Variants in FBXW8 observed in about 807,000 individuals in gnomAD.
FBXW8 encodes the protein F-box/WD repeat-containing protein 8.
A neutral mutation model predicts 65.3 loss-of-function variants in FBXW8; 57 were observed. That is an observed-to-expected ratio of 0.87 (90% CI 0.71 to 1.09). FBXW8 has a LOEUF of 1.09. Among genes scored for constraint, FBXW8 ranks in the 50% least tolerant of loss-of-function variants. FBXW8 has a pLI of 0.00. For missense variants in FBXW8, 777 were observed against 814.8 expected, an observed-to-expected ratio of 0.95 and a Z score of 0.57; for synonymous variants, 308 against 330.2, an observed-to-expected ratio of 0.93 and a Z score of 0.73.
chr12:116,912,555 G>T (rs1361976832), intron 1 of FBXW8, among the ~76,000 whole-genome samples: 1 of 149,642 alleles, frequency 6.7e-6, no homozygotes, highest in Non-Finnish European at 1.5e-5. Context: ...CGCCTCCTAG[G>T]TTCACGCCAT....
chr12:116,937,330 CAAATG>C (rs1424478718), intron 2 of FBXW8, among the ~76,000 whole-genome samples: 1 of 152,058 alleles, frequency 6.6e-6, no homozygotes, highest in Non-Finnish European at 1.5e-5. Context: ...GGCCAGGAGA[CAAATG>C]AGAACATTAA....
intron 7 of FBXW8, among the ~76,000 whole-genome samples, chr12:117,004,327 T>G (rs1185047570): frequency 6.6e-6 from 1 of 152,240 alleles, no homozygotes; most frequent in Non-Finnish European, 1.5e-5. Flanking sequence ...TGATCTTGCC[T>G]GGAAGTCTAA....
intron 5 of FBXW8, among the ~76,000 whole-genome samples, chr12:116,971,021 A>G (rs773003306): frequency 5.3e-5 from 8 of 152,212 alleles, no homozygotes; most frequent in Non-Finnish European, 1.2e-4. Flanking sequence ...GGGTATGTTC[A>G]TAAATGTAAA....
intron 7 of FBXW8, among the ~76,000 whole-genome samples, chr12:116,993,849 C>T (rs1184801338): frequency 6.6e-6 from 1 of 152,074 alleles, no homozygotes; most frequent in East Asian, 1.9e-4. Flanking sequence ...CCTAAGTTTT[C>T]TTCTATAATT....
At chr12:116,994,875 G>C (rs1318888025) in intron 7 of FBXW8, among the ~76,000 whole-genome samples, 2 of 152,234 alleles carry the variant, frequency 1.3e-5, no homozygotes, top group South Asian at 2.1e-4. Context: ...TTTCCTCCAA[G>C]TAGACTTGCT....
At chr12:116,971,902 A>G (rs1181855021) in intron 5 of FBXW8, among the ~76,000 whole-genome samples, 6 of 152,224 alleles carry the variant, frequency 3.9e-5, no homozygotes, top group Non-Finnish European at 7.3e-5. Flanking sequence ...GTGAATTTTT[A>G]GGAATCTACA....
At chr12:116,987,708 CAAA>C (rs113837266) in intron 6 of FBXW8, among the ~76,000 whole-genome samples, 1 of 151,816 alleles carries the variant, frequency 6.6e-6, no homozygotes, top group Non-Finnish European at 1.5e-5. Flanking sequence ...AACAAACAAA[CAAA>C]AAACACAACA....
chr12:116,911,111 AGCGGCGACGGCCCGAGGCTGCCGAGAG>A lies in FBXW8; in HGVS notation c.79_105del (p.Arg27_Arg35del). 7.2e-7 allele frequency: 1 copy of A among 1,393,512 alleles called. No individual in the cohort carries two copies. The highest frequency in any genetic ancestry group is 1.6e-5 in the South Asian group (1 of 60,900). 86.3% of individuals were successfully genotyped at this position (1,393,512 alleles called of 1,614,324 possible). A position where few individuals can be genotyped will look rare whatever the true frequency, so the allele number is the denominator to read the frequency against. On this transcript the variant is annotated inframe_deletion, in exon 1 of 11. Transcript: ENST00000652555. Reference sequence around the variant, plus strand: ...CTGGCGCAGGCCCAGGCGCCGAAGAAGCGGCGACGGCCCGAGGCTGCCGAGAGGCGGGCTCGGCGGCCGGAGGTGGGC... The same window carrying A: ...CTGGCGCAGGCCCAGGCGCCGAAGAAGCGGGCTCGGCGGCCGGAGGTGGGC...
At chr12:116,998,133 T>TA (rs2135690645) in intron 7 of FBXW8, among the ~76,000 whole-genome samples, 1 of 152,332 alleles carries the variant, frequency 6.6e-6, no homozygotes, top group South Asian at 2.1e-4. Flanking sequence ...AGAATTGTTT[T>TA]AAAAGAATGC....
intron 8 of FBXW8, among the ~76,000 whole-genome samples, chr12:117,010,933 T>C (rs758557299): frequency 6.6e-6 from 1 of 152,210 alleles, no homozygotes; most frequent in Non-Finnish European, 1.5e-5. Context: ...GATTCCACTT[T>C]CTATTTAGCT....
intron 2 of FBXW8, among the ~76,000 whole-genome samples, chr12:116,943,631 AGCCTC>A (rs1309460928): frequency 2.0e-5 from 3 of 152,136 alleles, no homozygotes; most frequent in Non-Finnish European, 4.4e-5. Flanking sequence ...GCTTGTGCAG[AGCCTC>A]AGGGTCAGCC....
intron 5 of FBXW8, among the ~76,000 whole-genome samples, chr12:116,967,890 C>T (rs756569762): frequency 1.5e-4 from 23 of 152,198 alleles, no homozygotes; most frequent in Non-Finnish European, 2.9e-4. Flanking sequence ...CCTCAGCCTC[C>T]TGAGTAGCTG....
Position 116,935,667 on chromosome 12 carries a change from A to T in FBXW8, c.423+7540A>T, listed in dbSNP as rs549667113. 1.7e-4 allele frequency among the ~76,000 whole-genome samples: 26 copies of T among 152,366 alleles called. No individual in the cohort carries two copies. In the South Asian group the frequency reaches 2.9e-3, roughly 17 times the overall value. On this transcript the variant is annotated intron_variant, in intron 2 of 10. Transcript: ENST00000652555. Reference sequence around the variant, plus strand: ...CAGATTGGGAGCTAGATGAAACAAGAATGGCAAATGAACATTGAGCTAAGT... The same window carrying T: ...CAGATTGGGAGCTAGATGAAACAAGTATGGCAAATGAACATTGAGCTAAGT...
Position 117,011,220 on chromosome 12 carries a change from C to T in FBXW8, c.1367+770C>T, listed in dbSNP as rs1953803459. ...TGAGGGCCAGGGGCTGCTGGCGCCCCCTCCCCTGGGCCCGGCCCCGGGCTG... is the reference window on the plus strand; with the variant it reads ...TGAGGGCCAGGGGCTGCTGGCGCCCTCTCCCCTGGGCCCGGCCCCGGGCTG... On this transcript the variant is annotated intron_variant, in intron 8 of 10. Coordinates refer to ENST00000652555, the MANE Select transcript of FBXW8 (RefSeq NM_153348.3). 4.1e-5 allele frequency among the ~76,000 whole-genome samples: 6 copies of T among 146,130 alleles called. No individual in the cohort carries two copies. In the South Asian group the frequency reaches 1.3e-3, roughly 32 times the overall value.
chr12:116,969,309 T>C (rs1884511091), intron 5 of FBXW8, among the ~76,000 whole-genome samples: 1 of 152,220 alleles, frequency 6.6e-6, no homozygotes, highest in African/African-American at 2.4e-5. Context: ...ATGCTGAGCT[T>C]GTTTCATTGG....
At chr12:116,938,152 C>T (rs925884064) in intron 2 of FBXW8, among the ~76,000 whole-genome samples, 2 of 151,532 alleles carry the variant, frequency 1.3e-5, no homozygotes, top group Non-Finnish European at 2.9e-5. Flanking sequence ...GATTTTTTTT[C>T]CTTCAGAATT....
At chr12:116,975,751 A>C (rs1319589281) in intron 5 of FBXW8, among the ~76,000 whole-genome samples, 2 of 152,228 alleles carry the variant, frequency 1.3e-5, no homozygotes, top group Non-Finnish European at 2.9e-5. Flanking sequence ...ATGAGGAAAC[A>C]GCAGACAATT....
At chr12:117,004,096 ATCTC>A (rs971419765) in intron 7 of FBXW8, among the ~76,000 whole-genome samples, 3 of 152,166 alleles carry the variant, frequency 2.0e-5, no homozygotes, top group Non-Finnish European at 4.4e-5. Context: ...CAGATTTCCC[ATCTC>A]TCTGTCTGTT....
At chr12:116,946,586 A>G (rs557549649) in intron 3 of FBXW8, among the ~76,000 whole-genome samples, 1 of 152,148 alleles carries the variant, frequency 6.6e-6, no homozygotes, top group African/African-American at 2.4e-5. Flanking sequence ...GTCCCCTGGG[A>G]ATCAAAATCC....
Sources: allele counts gnomAD v4.1 joint callset (sites outside exome capture counted in the v4.1 genomes callset), GRCh38; gene constraint gnomAD v4.1.1; transcripts MANE v1.5; gene names NCBI Gene and HGNC (gene_info 2026-07-23, HGNC 2026-07-21).